The following LRRC37A2 variants were observed in gnomAD, a reference collection of about 807,000 sequenced individuals.
LRRC37A2 encodes leucine rich repeat containing 37 member A2.
Under a neutral mutation model 68.8 loss-of-function variants are expected in LRRC37A2, and 9 were observed. The ratio of observed to expected loss-of-function variants is 0.13; its 90% CI spans 0.08 to 0.23. LRRC37A2 has a LOEUF of 0.23. LRRC37A2 is among the 10% of genes least tolerant of loss of function. The probability of loss-of-function intolerance (pLI) is 1.00; values close to 1 mark genes in which losing one functional copy is unlikely to be tolerated. For synonymous variants in LRRC37A2, 63 were observed against 367.6 expected, an observed-to-expected ratio of 0.17 and a Z score of 9.48; for missense variants, 168 against 950.4, an observed-to-expected ratio of 0.18 and a Z score of 10.82.
the LRRC37A2 span, among the ~76,000 whole-genome samples, chr17:47,014,922 T>C: frequency 6.6e-6 from 1 of 152,000 alleles, no homozygotes; most frequent in African/African-American, 2.4e-5. Flanking sequence ...AAAATGAAGT[T>C]TGGGTCAACA....
At chr17:47,007,455 G>A in the LRRC37A2 span, among the ~76,000 whole-genome samples, 1 of 152,230 alleles carries the variant, frequency 6.6e-6, no homozygotes, top group African/African-American at 2.4e-5. Context: ...TGGGATTGCA[G>A]GCGTGAGCCA....
At chr17:46,876,942 C>A in the LRRC37A2 span, 1 of 1,321,256 alleles carries the variant, frequency 7.6e-7, no homozygotes, top group Non-Finnish European at 9.6e-7. Flanking sequence ...CCCAAGCATC[C>A]CCAACCTTGT....
chr17:46,923,483 G>A, the LRRC37A2 span: 6 of 1,384,834 alleles, frequency 4.3e-6, no homozygotes, highest in Non-Finnish European at 5.6e-6. Context: ...TGGGTAGACT[G>A]GGTGACGGGA....
chr17:46,761,338 T>C, the LRRC37A2 span, among the ~76,000 whole-genome samples: 2 of 150,878 alleles, frequency 1.3e-5, no homozygotes, highest in Admixed American at 1.3e-4. Context: ...TTGTTTGTTT[T>C]TTTTTTTTTT....
At chr17:46,750,812 A>C in the LRRC37A2 span, among the ~76,000 whole-genome samples, 1 of 152,082 alleles carries the variant, frequency 6.6e-6, no homozygotes, top group South Asian at 2.1e-4. Context: ...GCATTTAATA[A>C]GTTGGAACAA....
chr17:46,818,837 T>A, the LRRC37A2 span: 2 of 563,652 alleles, frequency 3.5e-6, no homozygotes, highest in Non-Finnish European at 6.3e-6. Flanking sequence ...TAGTTCAGCC[T>A]GTCAATCACG....
the LRRC37A2 span, among the ~76,000 whole-genome samples, chr17:46,988,654 TGAG>T: frequency 4.7e-4 from 71 of 152,092 alleles, no homozygotes; most frequent in South Asian, 1.0e-3. Context: ...AAGGTGGAGT[TGAG>T]GGGCTCAGGG....
chr17:46,987,460 C>T, the LRRC37A2 span, among the ~76,000 whole-genome samples: 3 of 151,964 alleles, frequency 2.0e-5, no homozygotes, highest in Non-Finnish European at 4.4e-5. Flanking sequence ...AAAAATTTGA[C>T]AATAGAGTTT....
At chr17:46,818,161 A>G in the LRRC37A2 span, among the ~76,000 whole-genome samples, 2 of 152,206 alleles carry the variant, frequency 1.3e-5, no homozygotes, top group South Asian at 4.2e-4. Flanking sequence ...GCTGGGCCCC[A>G]GGGACAGTGC....
At chr17:46,511,181 T>C (rs1178634247), upstream of LRRC37A2, among the ~76,000 whole-genome samples, 1 of 126,164 alleles carries the variant, frequency 7.9e-6, no homozygotes, top group East Asian at 2.4e-4. Flanking sequence ...TTTATGGAAT[T>C]TTTTTTAAAA....
At chr17:46,978,480 C>T in the LRRC37A2 span, 3 of 760,850 alleles carry the variant, frequency 3.9e-6, no homozygotes, top group East Asian at 6.0e-5. Context: ...CGTCCAAGTC[C>T]CTTCCCGCGC....
At chr17:46,952,220 A>C in the LRRC37A2 span, among the ~76,000 whole-genome samples, 7 of 152,284 alleles carry the variant, frequency 4.6e-5, no homozygotes, top group East Asian at 1.4e-3. Flanking sequence ...TCCTGTGGAA[A>C]ACCTGTGCCA....
chr17:46,923,305 CAG>C, the LRRC37A2 span: 1 of 1,546,844 alleles, frequency 6.5e-7, no homozygotes, highest in Non-Finnish European at 8.7e-7. Flanking sequence ...CCTCGGACGT[CAG>C]CCAGGGTAGA....
At chr17:46,414,747 T>G in the LRRC37A2 span, among the ~76,000 whole-genome samples, 1 of 103,648 alleles carries the variant, frequency 9.6e-6, no homozygotes, top group Admixed American at 9.6e-5. Context: ...CTGACCATGG[T>G]GCTGACTGTG....
the LRRC37A2 span, among the ~76,000 whole-genome samples, chr17:46,891,741 G>T: frequency 6.6e-6 from 1 of 152,054 alleles, no homozygotes; most frequent in Non-Finnish European, 1.5e-5. Flanking sequence ...CTCTCACTAG[G>T]CCTGGTCCTT....
chr17:46,708,196 C>T, the LRRC37A2 span, among the ~76,000 whole-genome samples: 5 of 152,058 alleles, frequency 3.3e-5, no homozygotes, highest in South Asian at 2.1e-4. Flanking sequence ...TTAGTTCTTT[C>T]GGGTATATAC....
chr17:46,888,940 G>T, the LRRC37A2 span, among the ~76,000 whole-genome samples: 1 of 152,140 alleles, frequency 6.6e-6, no homozygotes, highest in Non-Finnish European at 1.5e-5. Flanking sequence ...GCATGCAAAG[G>T]TTAAGTAACC....
chr17:46,770,199 A>G, the LRRC37A2 span: 1 of 1,112,128 alleles, frequency 9.0e-7, no homozygotes, highest in African/African-American at 1.6e-5. Flanking sequence ...CAGCTTCCCC[A>G]CCCTCTTTGG....
chr17:46,792,089 C>A, the LRRC37A2 span, among the ~76,000 whole-genome samples: 1 of 152,160 alleles, frequency 6.6e-6, no homozygotes, highest in African/African-American at 2.4e-5. Context: ...ATAGAAATAG[C>A]GAACATTTAA....
Sources: gnomAD v4.1 joint callset for allele counts (sites outside exome capture counted in the v4.1 genomes callset) on GRCh38, gnomAD v4.1.1 for gene constraint, MANE v1.5 for transcripts, NCBI Gene and HGNC (gene_info 2026-07-23, HGNC 2026-07-21) for gene names.